PDE10A: variants seen among roughly 807,000 people sequenced by gnomAD.
PDE10A encodes the protein phosphodiesterase 10A.
A neutral mutation model predicts 97.7 loss-of-function variants in PDE10A; 39 were observed. The observed-to-expected ratio is 0.40, with a 90% CI of 0.31 to 0.52. PDE10A has a LOEUF of 0.52. Among genes scored for constraint, PDE10A ranks in the 20% least tolerant of loss-of-function variants. PDE10A has a pLI of 0.56. For synonymous variants in PDE10A, 371 were observed against 376.8 expected (o/e 0.98, Z 0.18); for missense variants, 731 against 1,047.8 (o/e 0.70, Z 4.17).
At chr6:165,839,883 G>GTCTCCA (rs1780183711) in intron 1 of PDE10A, among the ~76,000 whole-genome samples, 1 of 3,690 alleles carries the variant, frequency 2.7e-4, no homozygotes, top group Non-Finnish European at 6.9e-4. Context: ...CTGCACCTCT[G>GTCTCCA]TCTCCATCCC....
At chr6:165,690,329 C>G (rs886943611) in intron 1 of PDE10A, among the ~76,000 whole-genome samples, 1 of 152,250 alleles carries the variant, frequency 6.6e-6, no homozygotes, top group Non-Finnish European at 1.5e-5. Flanking sequence ...AAGAAATAGC[C>G]TTCAGCTTTG....
intron 4 of PDE10A, among the ~76,000 whole-genome samples, chr6:165,449,564 A>G (rs1326714048): frequency 6.6e-6 from 1 of 152,150 alleles, no homozygotes; most frequent in African/African-American, 2.4e-5. Flanking sequence ...TCTCTGTTCT[A>G]TAGCTTCCTC....
chr6:165,891,272 A>G lies in PDE10A; in HGVS notation c.-615+96257T>C, dbSNP rs115779897. Among the ~76,000 whole-genome samples the G allele has an allele frequency of 2.5e-3, 381 of 152,256 alleles. 2 individuals are homozygous for G. Among genetic ancestry groups the G allele is most frequent in the African/African-American group, 8.8e-3 (365 of 41,548 alleles). ...TCATTTGGGATTTGCTGGCTCATGT[A>G]ATGGTTAAGTTCATGTAACTGATAA... On this transcript the variant is annotated intron_variant, in intron 1 of 19. Transcript: ENST00000366882.
At position 165,427,861 on chromosome 6, in the gene PDE10A, A is replaced by C. The variant is rs6933076; in HGVS notation, c.1653+797T>G. The stretch of plus-strand genomic sequence containing the variant: ...GTACAATTATTTTATTTTTGTCTAG[A>C]TAAAACCATAGAAATAACTTATCAC... On this transcript the variant is annotated intron_variant, in intron 10 of 21. Coordinates refer to ENST00000539869, the MANE Select transcript of PDE10A (RefSeq NM_001385079.1). Among the ~76,000 whole-genome samples, 718 of 152,272 alleles carry C rather than the reference A, an allele frequency of 4.7e-3. 12 individuals carry two copies. The highest frequency in any genetic ancestry group is 0.016 in the African/African-American group (680 of 41,560).
chr6:165,379,653 G>A (rs1784818564), intron 17 of PDE10A, among the ~76,000 whole-genome samples: 2 of 151,964 alleles, frequency 1.3e-5, no homozygotes, highest in Admixed American at 1.3e-4. Context: ...AATATATCTA[G>A]TTCTTGGATA....
At chr6:165,618,777 G>A (rs908501887) in intron 1 of PDE10A, among the ~76,000 whole-genome samples, 1 of 152,234 alleles carries the variant, frequency 6.6e-6, no homozygotes, top group Non-Finnish European at 1.5e-5. Context: ...GTTCACAAGA[G>A]AGTCGCAACT....
At chr6:165,334,317 C>A (rs1051502069) in intron 21 of PDE10A, among the ~76,000 whole-genome samples, 1 of 149,468 alleles carries the variant, frequency 6.7e-6, no homozygotes, top group Non-Finnish European at 1.5e-5. Context: ...CGCCTTACAG[C>A]GCCGGGCACG....
Position 165,471,904 on chromosome 6 carries a change from G to C in PDE10A, c.1023+10411C>G, listed in dbSNP as rs374050484. 5.9e-5 allele frequency among the ~76,000 whole-genome samples: 9 copies of C among 152,106 alleles called. No homozygotes were observed. In the East Asian group the frequency reaches 1.7e-3, roughly 29 times the overall value. On this transcript the variant is annotated intron_variant, in intron 3 of 21. Coordinates refer to ENST00000539869, the MANE Select transcript of PDE10A (RefSeq NM_001385079.1). The stretch of plus-strand genomic sequence containing the variant: ...TTAGGATTTCTGAACTTTTGTTTGC[G>C]CTAATAAAACTAGTTAACAGTCTCT...
At chr6:165,614,829 T>TCTA (rs1276310544) in intron 1 of PDE10A, among the ~76,000 whole-genome samples, 4 of 150,540 alleles carry the variant, frequency 2.7e-5, no homozygotes, top group Admixed American at 2.0e-4. Flanking sequence ...GAATGCTGAG[T>TCTA]GTAGGAGGCA....
At chr6:165,552,585 G>A (rs1393805443) in intron 1 of PDE10A, among the ~76,000 whole-genome samples, 2 of 152,184 alleles carry the variant, frequency 1.3e-5, no homozygotes, top group Non-Finnish European at 2.9e-5. Context: ...TTCCCTGGTA[G>A]GTAACACTAG....
chr6:165,826,580 C>T (rs1035488065), intron 1 of PDE10A, among the ~76,000 whole-genome samples: 6 of 151,096 alleles, frequency 4.0e-5, no homozygotes, highest in African/African-American at 1.5e-4. Context: ...GCCACGCCCC[C>T]AGGTATGTAC....
chr6:165,451,712 T>C (rs544053351), intron 3 of PDE10A, among the ~76,000 whole-genome samples: 85 of 152,286 alleles, frequency 5.6e-4, no homozygotes, highest in African/African-American at 1.7e-3. Flanking sequence ...CAACCAATGA[T>C]TGGACAAATA....
Position 165,963,770 on chromosome 6 carries a change from T to C in PDE10A, c.-615+23759A>G, listed in dbSNP as rs190960425. Among the ~76,000 whole-genome samples, 1,278 of 152,336 alleles carry C rather than the reference T, an allele frequency of 8.4e-3. 2 individuals carry two copies. Among genetic ancestry groups the C allele is most frequent in the Non-Finnish European group, 0.013 (869 of 68,018 alleles). ...CTTGCTGGAAGGTGGTATCCCCTGC[T>C]GGCACGTCCTCCTTGACCACTCAGG... On this transcript the variant is annotated intron_variant, in intron 1 of 19. Transcript: ENST00000366882.
intron 1 of PDE10A, among the ~76,000 whole-genome samples, chr6:165,972,279 G>A (rs867915108): frequency 6.6e-6 from 1 of 151,868 alleles, no homozygotes. Flanking sequence ...GTGAGAACTC[G>A]CGGTACCAGC....
chr6:165,552,707 T>C (rs1429068178), intron 1 of PDE10A, among the ~76,000 whole-genome samples: 1 of 152,164 alleles, frequency 6.6e-6, no homozygotes, highest in East Asian at 1.9e-4. Context: ...GATTGTGCTT[T>C]GTATCCTTCG....
chr6:165,447,478 G>A (rs920107516), intron 5 of PDE10A, among the ~76,000 whole-genome samples: 11 of 152,348 alleles, frequency 7.2e-5, no homozygotes, highest in East Asian at 5.8e-4. Flanking sequence ...CAACTGGGGG[G>A]CTGCTGGAGG....
At chr6:165,423,956 C>T (rs1278926443) in intron 10 of PDE10A, among the ~76,000 whole-genome samples, 2 of 152,098 alleles carry the variant, frequency 1.3e-5, no homozygotes. Flanking sequence ...CACTTGTTTC[C>T]TCTAATCCAG....
intron 1 of PDE10A, among the ~76,000 whole-genome samples, chr6:165,866,106 T>C (rs1278975371): frequency 6.6e-6 from 1 of 152,032 alleles, no homozygotes; most frequent in Admixed American, 6.6e-5. Context: ...ATGTAAGTGG[T>C]TTAAATCCCC....
At chr6:165,507,627 A>G (rs113118002) in intron 2 of PDE10A, among the ~76,000 whole-genome samples, 28 of 152,114 alleles carry the variant, frequency 1.8e-4, no homozygotes, top group African/African-American at 6.5e-4. Context: ...TGGCTCAAAA[A>G]TCACATAATC....
Sources: allele counts gnomAD v4.1 joint callset (sites outside exome capture counted in the v4.1 genomes callset), GRCh38; gene constraint gnomAD v4.1.1; transcripts MANE v1.5; gene names NCBI Gene and HGNC (gene_info 2026-07-23, HGNC 2026-07-21).